Variants in AP3B1 observed in about 807,000 individuals in gnomAD.
AP3B1 encodes the protein AP-3 complex subunit beta-1.
In AP3B1, 61 loss-of-function variants were observed where a neutral mutation model predicts 132.5. The ratio of observed to expected loss-of-function variants is 0.46; its 90% CI spans 0.37 to 0.57. The LOEUF (loss-of-function observed/expected upper bound fraction) is 0.57, where lower values mean the gene tolerates loss of function less well. Ranked by LOEUF, AP3B1 falls within the 20% of genes least tolerant of loss-of-function variation. The pLI is 0.00. For synonymous variants in AP3B1, 388 were observed against 438.3 expected, an observed-to-expected ratio of 0.89 and a Z score of 1.43; for missense variants, 1,120 against 1,289.4, an observed-to-expected ratio of 0.87 and a Z score of 2.01.
intron 26 of AP3B1, chr5:78,003,415 A>G (rs904862673): frequency 1.8e-6 from 1 of 557,856 alleles, no homozygotes; most frequent in South Asian, 8.0e-5. Context: ...CATTTTAAAT[A>G]AGCCATTGTA....
At chr5:78,129,634 G>A (rs542396419) in intron 15 of AP3B1, among the ~76,000 whole-genome samples, 1 of 152,052 alleles carries the variant, frequency 6.6e-6, no homozygotes, top group East Asian at 1.9e-4. Flanking sequence ...TAATGAATGT[G>A]GAAATACAAC....
chr5:78,258,260 ATC>A (rs1011127240), intron 2 of AP3B1, among the ~76,000 whole-genome samples: 2 of 152,252 alleles, frequency 1.3e-5, no homozygotes, highest in African/African-American at 4.8e-5. Flanking sequence ...CAAACTATCC[ATC>A]TCACAAGAGA....
At chr5:78,011,331 C>G (rs1457438398) in intron 26 of AP3B1, among the ~76,000 whole-genome samples, 2 of 152,148 alleles carry the variant, frequency 1.3e-5, no homozygotes, top group Non-Finnish European at 2.9e-5. Context: ...CGGGCATGAG[C>G]CACCATGCCC....
chr5:78,177,801 T>C (rs542802032), intron 8 of AP3B1, among the ~76,000 whole-genome samples: 1 of 152,150 alleles, frequency 6.6e-6, no homozygotes, highest in South Asian at 2.1e-4. Context: ...GATACACCCA[T>C]AAGCCAAGCA....
chr5:78,125,499 G>A (rs1463357602), intron 17 of AP3B1, among the ~76,000 whole-genome samples: 1 of 152,138 alleles, frequency 6.6e-6, no homozygotes, highest in Non-Finnish European at 1.5e-5. Flanking sequence ...TTGGAAGGGA[G>A]ATGAAGTAGA....
At chr5:78,292,478 G>A (rs1208241097) in intron 1 of AP3B1, among the ~76,000 whole-genome samples, 1 of 152,156 alleles carries the variant, frequency 6.6e-6, no homozygotes, top group Non-Finnish European at 1.5e-5. Context: ...CTAAACTTTT[G>A]AGAGAATGGG....
chr5:78,046,481 C>T (rs1748335786), intron 22 of AP3B1, among the ~76,000 whole-genome samples: 1 of 152,184 alleles, frequency 6.6e-6, no homozygotes, highest in Non-Finnish European at 1.5e-5. Context: ...AAGGGCTCTA[C>T]AGGTCTCACG....
At chr5:78,011,279 C>T (rs1467325864) in intron 26 of AP3B1, among the ~76,000 whole-genome samples, 1 of 152,058 alleles carries the variant, frequency 6.6e-6, no homozygotes, top group Non-Finnish European at 1.5e-5. Context: ...CTCCTGACCT[C>T]AAGTGATCTG....
intron 22 of AP3B1, among the ~76,000 whole-genome samples, chr5:78,059,924 T>C (rs1748972326): frequency 6.6e-6 from 1 of 152,082 alleles, no homozygotes; most frequent in Non-Finnish European, 1.5e-5. Context: ...TTATTAGAAG[T>C]AGTAGTGATA....
intron 22 of AP3B1, among the ~76,000 whole-genome samples, chr5:78,053,652 CCTGGTGATAG>C (rs1303563215): frequency 1.4e-5 from 2 of 145,064 alleles, no homozygotes; most frequent in African/African-American, 5.1e-5. Flanking sequence ...TGTACTCCAG[CCTGGTGATAG>C]AGCAAGACTC....
chr5:78,047,173 T>C (rs750190715), intron 22 of AP3B1, among the ~76,000 whole-genome samples: 3 of 152,234 alleles, frequency 2.0e-5, no homozygotes, highest in Non-Finnish European at 4.4e-5. Context: ...CGTGCACATA[T>C]GTCTTTATAG....
chr5:78,062,414 A>C (rs993072651), intron 22 of AP3B1, among the ~76,000 whole-genome samples: 4 of 152,202 alleles, frequency 2.6e-5, no homozygotes, highest in Non-Finnish European at 5.9e-5. Flanking sequence ...AGTAATTAAA[A>C]TTAAAAAGTA....
At chr5:78,275,934 A>C (rs1748755863) in intron 1 of AP3B1, among the ~76,000 whole-genome samples, 1 of 152,254 alleles carries the variant, frequency 6.6e-6, no homozygotes, top group Non-Finnish European at 1.5e-5. Context: ...TTTCAATTGT[A>C]CATAGGACAT....
chr5:78,073,670 A>AT (rs993147126), intron 22 of AP3B1, among the ~76,000 whole-genome samples: 7 of 152,184 alleles, frequency 4.6e-5, no homozygotes, highest in African/African-American at 1.7e-4. Flanking sequence ...TTAAAAACAT[A>AT]TTACATTTTT....
intron 17 of AP3B1, among the ~76,000 whole-genome samples, chr5:78,120,191 G>A (rs1410721358): frequency 6.6e-6 from 1 of 152,160 alleles, no homozygotes; most frequent in African/African-American, 2.4e-5. Flanking sequence ...CCTAAAGGAA[G>A]CACTAAATAT....
intron 22 of AP3B1, among the ~76,000 whole-genome samples, chr5:78,049,257 G>C (rs185117918): frequency 6.6e-6 from 1 of 152,288 alleles, no homozygotes. Flanking sequence ...ATCTTGGGGA[G>C]AAAGGTGGTA....
rs144679208 is a variant in AP3B1 at position 78,023,782 on chromosome 5, T to C, written c.2895-2993A>G. 2.5e-3 allele frequency among the ~76,000 whole-genome samples: 379 copies of C among 152,294 alleles called. 1 individual carries two copies. Among genetic ancestry groups the C allele is most frequent in the African/African-American group, 8.5e-3 (353 of 41,562 alleles). On this transcript the variant is annotated intron_variant, in intron 24 of 26. Transcript: ENST00000255194. ...GTATAACTGTTAATCTTAGCAAGGC[T>C]GTTCAGATTGCAGGAAGACTACACA...
chr5:78,065,415 G>A (rs114634748), intron 22 of AP3B1, among the ~76,000 whole-genome samples: 3,373 of 152,262 alleles, frequency 0.022, 116 homozygotes, highest in African/African-American at 0.069. Context: ...TAAGACCACC[G>A]AGCTCCCGGG....
At position 78,118,444 on chromosome 5, in the gene AP3B1, CG is replaced by C. The variant is rs576732510; in HGVS notation, c.1969-2211del. On this transcript the variant is annotated intron_variant, in intron 17 of 26. Transcript: ENST00000255194. ...CCTAGTCAAAGAAAGGGGTGACAGA[CG>C]GCACCTGGAAAATCGGGTCACTCCC... 1.2e-3 allele frequency among the ~76,000 whole-genome samples: 181 copies of C among 152,294 alleles called. No individual in the cohort carries two copies. In the Middle Eastern group the frequency reaches 0.017, roughly 14 times the overall value.
Sources: allele counts gnomAD v4.1 joint callset (sites outside exome capture counted in the v4.1 genomes callset), GRCh38; gene constraint gnomAD v4.1.1; transcripts MANE v1.5; gene names NCBI Gene and HGNC (gene_info 2026-07-23, HGNC 2026-07-21).